NFIA: variants seen among roughly 807,000 people sequenced by gnomAD.
NFIA encodes nuclear factor 1 A-type.
In NFIA, 8 loss-of-function variants were observed where a neutral mutation model predicts 62.8. That is an observed-to-expected ratio of 0.13 (90% CI 0.07 to 0.23). NFIA has a LOEUF of 0.23. Among genes scored for constraint, NFIA ranks in the 10% least tolerant of loss-of-function variants. The probability of loss-of-function intolerance (pLI) is 1.00; values close to 1 mark genes in which losing one functional copy is unlikely to be tolerated. For missense variants in NFIA, 410 were observed against 642.1 expected, an observed-to-expected ratio of 0.64 and a Z score of 3.91; for synonymous variants, 235 against 238.1, an observed-to-expected ratio of 0.99 and a Z score of 0.12.
At chr1:61,217,025 A>T (rs191226345) in intron 2 of NFIA, among the ~76,000 whole-genome samples, 2 of 151,524 alleles carry the variant, frequency 1.3e-5, no homozygotes, top group Admixed American at 6.6e-5. Flanking sequence ...ATTAATTAAT[A>T]AAAAGGACAT....
intron 10 of NFIA, among the ~76,000 whole-genome samples, chr1:61,432,754 C>A (rs1309772725): frequency 1.3e-5 from 2 of 151,962 alleles, no homozygotes; most frequent in African/African-American, 2.4e-5. Flanking sequence ...AGTTTCAAGC[C>A]CTCACAGCTG....
chr1:61,277,173 A>G (rs993734604), intron 2 of NFIA, among the ~76,000 whole-genome samples: 1 of 152,340 alleles, frequency 6.6e-6, no homozygotes, highest in Middle Eastern at 3.4e-3. Context: ...GTAATGAAGG[A>G]TGAAGTCTTT....
chr1:61,115,719 G>T (rs1011229961), intron 2 of NFIA, among the ~76,000 whole-genome samples: 1 of 152,182 alleles, frequency 6.6e-6, no homozygotes, highest in African/African-American at 2.4e-5. Context: ...AAGGCTGCCC[G>T]TGAGAAACTT....
Position 61,406,689 on chromosome 1 carries a change from C to T in NFIA, c.1382C>T (p.Thr461Met), listed in dbSNP as rs1665853080. The change falls in exon 9 of 11, where the codon ACG (threonine) becomes ATG (methionine). Residue 461 changes from threonine (T) to methionine (M), a missense_variant. Transcript: ENST00000403491. The stretch of plus-strand genomic sequence containing the variant: ...GTGCCAGACACAAAGCCTCCAACCA[C>T]GTCAACAGAAGGAGGTGCAGCCTCC... The part of the protein sequence containing the change: ...LPVPDTKPPT[T>M]STEGGAASPT... 3.1e-6 allele frequency: 5 copies of T among 1,612,768 alleles called. No homozygotes were observed. The highest frequency in any genetic ancestry group is 1.1e-5 in the South Asian group (1 of 90,698).
chr1:61,244,068 A>G (rs909639492), intron 2 of NFIA, among the ~76,000 whole-genome samples: 68 of 152,180 alleles, frequency 4.5e-4, no homozygotes, highest in Non-Finnish European at 1.5e-4. Context: ...GTGTATGTGT[A>G]TGCTGGTGTC....
intron 2 of NFIA, among the ~76,000 whole-genome samples, chr1:61,137,666 C>T (rs1647224850): frequency 1.3e-5 from 2 of 152,158 alleles, no homozygotes; most frequent in Non-Finnish European, 2.9e-5. Flanking sequence ...TAAAGCTCCT[C>T]TAGTGATTCC....
At chr1:61,204,468 G>A (rs1349247897) in intron 2 of NFIA, among the ~76,000 whole-genome samples, 1 of 152,072 alleles carries the variant, frequency 6.6e-6, no homozygotes, top group Non-Finnish European at 1.5e-5. Flanking sequence ...CAGCAGGAGG[G>A]ACCTTTATAT....
intron 2 of NFIA, among the ~76,000 whole-genome samples, chr1:61,224,213 T>A (rs1164229471): frequency 6.6e-6 from 1 of 152,130 alleles, no homozygotes; most frequent in East Asian, 1.9e-4. Flanking sequence ...ACTTTTCAAT[T>A]TAATTTTAAA....
At chr1:61,117,927 T>C (rs1646819633) in intron 2 of NFIA, among the ~76,000 whole-genome samples, 1 of 152,148 alleles carries the variant, frequency 6.6e-6, no homozygotes, top group South Asian at 2.1e-4. Context: ...CTCAAGCCTG[T>C]AATCCCAGCA....
intron 2 of NFIA, among the ~76,000 whole-genome samples, chr1:61,265,389 A>T (rs1316873788): frequency 6.6e-6 from 1 of 152,222 alleles, no homozygotes; most frequent in Non-Finnish European, 1.5e-5. Flanking sequence ...CACTTACATC[A>T]TTTAAATAAT....
At chr1:61,212,288 A>G (rs932562481) in intron 2 of NFIA, among the ~76,000 whole-genome samples, 1 of 152,178 alleles carries the variant, frequency 6.6e-6, no homozygotes, top group African/African-American at 2.4e-5. Flanking sequence ...GACACACTAA[A>G]GCTTATTTTT....
At chr1:61,426,008 A>G (rs1235150128) in intron 9 of NFIA, among the ~76,000 whole-genome samples, 1 of 152,226 alleles carries the variant, frequency 6.6e-6, no homozygotes. Context: ...CTCTAGCTGT[A>G]GAGGCACAGG....
At chr1:61,184,913 A>G (rs138010603) in intron 2 of NFIA, among the ~76,000 whole-genome samples, 247 of 152,362 alleles carry the variant, frequency 1.6e-3, no homozygotes, top group African/African-American at 5.7e-3. Flanking sequence ...TCCCAGACAT[A>G]ACACACAGTT....
intron 4 of NFIA, among the ~76,000 whole-genome samples, chr1:61,333,423 C>T (rs1661417326): frequency 6.6e-6 from 1 of 152,140 alleles, no homozygotes. Context: ...GACGTCAGGT[C>T]AAACAAGTCA....
At chr1:61,392,568 G>A (rs1179980311) in intron 7 of NFIA, among the ~76,000 whole-genome samples, 2 of 151,764 alleles carry the variant, frequency 1.3e-5, no homozygotes, top group South Asian at 2.1e-4. Context: ...TTTGTGTAAC[G>A]TTCAATAATT....
chr1:61,445,680 G>A (rs1000966878), intron 10 of NFIA, among the ~76,000 whole-genome samples: 20 of 152,204 alleles, frequency 1.3e-4, no homozygotes, highest in African/African-American at 4.8e-4. Context: ...GAAATTGTTT[G>A]GTATTTATCC....
chr1:61,143,152 ATTT>A (rs111415909), intron 2 of NFIA, among the ~76,000 whole-genome samples: 3,026 of 152,106 alleles, frequency 0.02, 60 homozygotes, highest in East Asian at 0.091. Flanking sequence ...TAGGATGGAG[ATTT>A]TTGTTTTTAA....
At chr1:61,115,309 G>A (rs1450667889) in intron 2 of NFIA, among the ~76,000 whole-genome samples, 1 of 152,182 alleles carries the variant, frequency 6.6e-6, no homozygotes, top group African/African-American at 2.4e-5. Flanking sequence ...CTTACTGGAA[G>A]TAAGGTAACA....
intron 2 of NFIA, among the ~76,000 whole-genome samples, chr1:61,184,618 C>T (rs1179688305): frequency 6.6e-6 from 1 of 152,228 alleles, no homozygotes; most frequent in Non-Finnish European, 1.5e-5. Flanking sequence ...TGGACCGACA[C>T]ACTCTAATTT....
Sources: allele counts gnomAD v4.1 joint callset (sites outside exome capture counted in the v4.1 genomes callset), GRCh38; gene constraint gnomAD v4.1.1; transcripts MANE v1.5; gene names NCBI Gene and HGNC (gene_info 2026-07-23, HGNC 2026-07-21).